Variants in TECTA observed in about 807,000 individuals in gnomAD.
The protein encoded by TECTA is tectorin alpha, also known as alpha-tectorin.
In TECTA, 128 loss-of-function variants were observed where a neutral mutation model predicts 216.8. That is an observed-to-expected ratio of 0.59 (90% CI 0.51 to 0.68). TECTA has a LOEUF of 0.68. TECTA is among the 30% of genes least tolerant of loss of function. The pLI is 0.00. For synonymous variants in TECTA, 1,089 were observed against 1,117.1 expected, an observed-to-expected ratio of 0.97 and a Z score of 0.50; for missense variants, 2,551 against 2,786.2, an observed-to-expected ratio of 0.92 and a Z score of 1.90.
At chr11:121,104,972 G>A (rs760305497) in intron 2 of TECTA, among the ~76,000 whole-genome samples, 7 of 152,164 alleles carry the variant, frequency 4.6e-5, no homozygotes, top group Non-Finnish European at 1.0e-4. Flanking sequence ...AGATGCTATT[G>A]GACTTGATCC....
intron 12 of TECTA, among the ~76,000 whole-genome samples, chr11:121,151,675 A>G (rs868288626): frequency 5.7e-4 from 84 of 148,364 alleles, no homozygotes; most frequent in African/African-American, 2.1e-3. Flanking sequence ...TGCAAGTATT[A>G]TGTATTAAAC....
At chr11:121,151,826 G>C (rs1434960017) in intron 12 of TECTA, among the ~76,000 whole-genome samples, 1 of 152,204 alleles carries the variant, frequency 6.6e-6, no homozygotes, top group South Asian at 2.1e-4. Flanking sequence ...CCCCCATATA[G>C]ATACTGTATA....
At chr11:121,140,376 G>A (rs1946772322) in intron 11 of TECTA, among the ~76,000 whole-genome samples, 1 of 152,174 alleles carries the variant, frequency 6.6e-6, no homozygotes, top group African/African-American at 2.4e-5. Context: ...AGCCCCCAGT[G>A]GGTTAGCTCT....
Position 121,122,501 on chromosome 11 carries a change from T to C in TECTA, c.1204-2801T>C, listed in dbSNP as rs141851309. The stretch of plus-strand genomic sequence containing the variant: ...AGCCCAAACAGACTAAAACAGAAGA[T>C]TGGTACCAGGAGTGGGGTGCTGCTG... On this transcript the variant is annotated intron_variant, in intron 7 of 23. Coordinates refer to ENST00000392793, the MANE Select transcript of TECTA (RefSeq NM_005422.4). Among the ~76,000 whole-genome samples the C allele has an allele frequency of 7.0e-3, 1,057 of 151,992 alleles. 11 individuals carry two copies. The highest frequency in any genetic ancestry group is 0.043 in the South Asian group (207 of 4,806).
chr11:121,163,871 G>A (rs1947025997), intron 16 of TECTA, among the ~76,000 whole-genome samples: 1 of 152,214 alleles, frequency 6.6e-6, no homozygotes, highest in African/African-American at 2.4e-5. Flanking sequence ...CTTTCGCTTG[G>A]TGGCTGTTAT....
Position 121,129,999 on chromosome 11 carries a change from C to T in TECTA, c.2729C>T (p.Ser910Phe). Residue 910 changes from serine to phenylalanine, a missense_variant, in exon 10 of 24, where the codon TCC becomes TTC. Transcript: ENST00000392793. ...CTGCTCAAGTTTTATCGAAGCCGCT[C>T]CAGGTGCGGCATCATCAACGACCCC... is the stretch of plus-strand genomic sequence containing the variant. The part of the protein sequence containing the change: ...SELLKFYRSR[S>F]RCGIINDPSN... 3 of 1,606,392 alleles carry T rather than the reference C, an allele frequency of 1.9e-6. No homozygotes were observed. Among genetic ancestry groups the T allele is most frequent in the Non-Finnish European group, 2.6e-6 (3 of 1,175,018 alleles).
intron 14 of TECTA, among the ~76,000 whole-genome samples, chr11:121,159,742 A>G (rs923876489): frequency 7.9e-5 from 12 of 152,172 alleles, no homozygotes; most frequent in African/African-American, 2.7e-4. Flanking sequence ...ATGCTGGGGA[A>G]AGTTTTAGAC....
At position 121,157,913 on chromosome 11, in the gene TECTA, G is replaced by C; in HGVS notation, c.4378G>C (p.Asp1460His). 1 of 1,614,182 alleles carries C rather than the reference G, an allele frequency of 6.2e-7. No individual in the cohort carries two copies. ...RCFRRNVIQCDPRQCKSDEEC... is the reference protein window; with the variant it reads ...RCFRRNVIQCHPRQCKSDEEC... Reference sequence around the variant, plus strand: ...TTTCCGTCGCAACGTGATTCAGTGCGACCCGCGCCAATGCAAGTCAGACGA... The same window carrying C: ...TTTCCGTCGCAACGTGATTCAGTGCCACCCGCGCCAATGCAAGTCAGACGA... The change falls in exon 14 of 24, where the codon GAC becomes CAC. Residue 1460 changes from aspartate (D) to histidine (H), a missense_variant. Asp to His is a moderately conservative substitution (Grantham distance 81). Coordinates refer to ENST00000392793, the MANE Select transcript of TECTA (RefSeq NM_005422.4).
In TECTA at chr11:121,178,144, G is replaced by C. The variant is rs957814864; in HGVS notation, c.5999+9219G>C. ...CCTTGTGCTTCCCAAGTGAGGCAATGCCTCGCCCTGCTTCGGCTCGTGCAC... is the reference window on the plus strand; with the variant it reads ...CCTTGTGCTTCCCAAGTGAGGCAATCCCTCGCCCTGCTTCGGCTCGTGCAC... On this transcript the variant is annotated intron_variant, in intron 20 of 23. Transcript: ENST00000392793. Among the ~76,000 whole-genome samples the C allele has an allele frequency of 3.9e-5, 6 of 152,236 alleles. No homozygotes were observed. In the East Asian group the frequency reaches 1.2e-3, roughly 29 times the overall value.
At chr11:121,104,173 T>C (rs1191209027) in intron 2 of TECTA, among the ~76,000 whole-genome samples, 1 of 152,238 alleles carries the variant, frequency 6.6e-6, no homozygotes, top group East Asian at 1.9e-4. Flanking sequence ...GATAAATCCA[T>C]GCCAGGACAT....
chr11:121,125,174 G>T, intron 7 of TECTA, 128 bp from the exon 8 acceptor site: 2 of 975,574 alleles, frequency 2.1e-6, no homozygotes, highest in Non-Finnish European at 3.2e-6. Context: ...GCCCACTGGA[G>T]CCTGGACCGT....
chr11:121,156,644 T>TATA (rs1259729101), intron 13 of TECTA, among the ~76,000 whole-genome samples: 1 of 79,386 alleles, frequency 1.3e-5, no homozygotes, highest in Admixed American at 9.7e-5. Flanking sequence ...GCACCTGGCC[T>TATA]ATTATTATTA....
intron 3 of TECTA, 60 bp downstream of exon 3, chr11:121,106,024 A>G: frequency 6.2e-7 from 1 of 1,613,540 alleles, no homozygotes; most frequent in Non-Finnish European, 8.5e-7. Context: ...TGTCATTAAG[A>G]AAAGCATTTT....
At chr11:121,177,622 A>G (rs1947181705) in intron 20 of TECTA, among the ~76,000 whole-genome samples, 1 of 152,218 alleles carries the variant, frequency 6.6e-6, no homozygotes, top group Admixed American at 6.5e-5. Flanking sequence ...CTCGGGGGTC[A>G]GGGGTCAGGG....
At chr11:121,109,669 T>A in intron 4 of TECTA, 171 bp downstream of exon 4, 1 of 724,964 alleles carries the variant, frequency 1.4e-6, no homozygotes, top group Non-Finnish European at 2.3e-6. Context: ...ACTATCACAG[T>A]TAACCAGCCC....
At chr11:121,171,603 G>A (rs1344370376) in intron 20 of TECTA, among the ~76,000 whole-genome samples, 2 of 151,930 alleles carry the variant, frequency 1.3e-5, no homozygotes, top group African/African-American at 4.8e-5. Context: ...TTCCATCAGC[G>A]TTTTGTAATT....
intron 3 of TECTA, among the ~76,000 whole-genome samples, chr11:121,106,957 A>C (rs560290397): frequency 8.5e-5 from 13 of 152,316 alleles, no homozygotes; most frequent in African/African-American, 3.1e-4. Flanking sequence ...GAGTCCTCCA[A>C]GTGGTTCTGA....
At chr11:121,173,083 A>T (rs1282613435) in intron 20 of TECTA, among the ~76,000 whole-genome samples, 1 of 152,038 alleles carries the variant, frequency 6.6e-6, no homozygotes, top group African/African-American at 2.4e-5. Context: ...TAGATTCTGG[A>T]TACTAGCCCT....
At chr11:121,109,824 G>A (rs1466122863) in intron 4 of TECTA, 2 of 367,220 alleles carry the variant, frequency 5.4e-6, no homozygotes, top group Non-Finnish European at 1.0e-5. Flanking sequence ...CCCATTCCAG[G>A]CCACATGCTT....
Sources: gnomAD v4.1 joint callset for allele counts (sites outside exome capture counted in the v4.1 genomes callset) on GRCh38, gnomAD v4.1.1 for gene constraint, MANE v1.5 for transcripts, NCBI Gene and HGNC (gene_info 2026-07-23, HGNC 2026-07-21) for gene names.